C19orf38: variants seen among roughly 807,000 people sequenced by gnomAD.
C19orf38 encodes chromosome 19 open reading frame 38, also known as protein HIDE1.
C19orf38 carries 14 observed loss-of-function variants against 26.6 expected under a neutral mutation model. The observed-to-expected ratio is 0.53, with a 90% CI of 0.35 to 0.82. The LOEUF is 0.82. C19orf38 is among the 40% of genes least tolerant of loss of function. The pLI, the probability that C19orf38 is intolerant of heterozygous loss-of-function variation, is 0.01. For synonymous variants in C19orf38, 132 were observed against 128.5 expected (o/e 1.03, Z -0.18); for missense variants, 261 against 299.5 (o/e 0.87, Z 0.95).
chr19:10,850,480 C>A lies in C19orf38; in HGVS notation c.253C>A (p.Pro85Thr). The A allele has an allele frequency of 6.4e-7, 1 of 1,551,646 alleles. No individual in the cohort carries two copies. The highest frequency in any genetic ancestry group is 8.7e-7 in the Non-Finnish European group (1 of 1,146,984). The change falls in exon 2 of 7, where the codon CCC (proline) becomes ACC (threonine). Residue 85 changes from proline to threonine, a missense_variant. Coordinates refer to ENST00000397820, the MANE Select transcript of C19orf38 (RefSeq NM_001136482.3). ...CGGCAGCAGCAAGGCTCCAGGGGGA[C>A]CCTTCCACTGCCAGTATGGAGTGTT... The part of the protein sequence containing the change: ...SGGSSKAPGG[P>T]FHCQYGVLGE...
At chr19:10,849,193 T>C (rs1292750603) in intron 1 of C19orf38, among the ~76,000 whole-genome samples, 4 of 152,088 alleles carry the variant, frequency 2.6e-5, no homozygotes, top group African/African-American at 9.7e-5. Context: ...TATTTATTTT[T>C]ATTTTTAAAT....
intron 1 of C19orf38, among the ~76,000 whole-genome samples, chr19:10,838,959 G>C (rs544239911): frequency 2.7e-4 from 40 of 150,516 alleles, no homozygotes; most frequent in African/African-American, 7.6e-4. Flanking sequence ...CTGTCACCCA[G>C]GCTGGAGTGC....
chr19:10,847,126 A>G (rs1417853187), upstream of C19orf38, among the ~76,000 whole-genome samples: 1 of 152,224 alleles, frequency 6.6e-6, no homozygotes, highest in Non-Finnish European at 1.5e-5. Flanking sequence ...GTTTAAAAAG[A>G]TAAATGCAAA....
chr19:10,856,194 G>A, intron 2 of C19orf38, 71 bp from the exon 3 acceptor site: 1 of 1,228,924 alleles, frequency 8.1e-7, no homozygotes, highest in Non-Finnish European at 1.2e-6. Context: ...ATGGGGTAAG[G>A]GCTGGCTACT....
upstream of C19orf38, among the ~76,000 whole-genome samples, chr19:10,843,733 G>A (rs1433804238): frequency 6.6e-6 from 1 of 152,134 alleles, no homozygotes; most frequent in African/African-American, 2.4e-5. Context: ...AAATATTTAT[G>A]ATGTGCCAAG....
chr19:10,841,846 C>T (rs1340480691), intron 1 of C19orf38: 1 of 1,411,006 alleles, frequency 7.1e-7, no homozygotes, highest in African/African-American at 1.4e-5. Flanking sequence ...GGCATGGGAA[C>T]AATCCCATTT....
chr19:10,859,366 A>C lies in C19orf38; in HGVS notation c.462-549A>C, dbSNP rs59145390. Among the ~76,000 whole-genome samples the C allele has an allele frequency of 3.0e-3, 149 of 48,904 alleles. 3 individuals are homozygous for C. Among genetic ancestry groups the C allele is most frequent in the African/African-American group, 0.017 (145 of 8,478 alleles). The allele number at this position is 48,904 out of a possible 152,430, so 32.1% of individuals were successfully genotyped here. ...TGTGTGTGTATATATATATATATAT[A>C]TATATATATATATATATATTTTTTT... On this transcript the variant is annotated intron_variant, in intron 4 of 6. Coordinates refer to ENST00000397820, the MANE Select transcript of C19orf38 (RefSeq NM_001136482.3).
Position 10,850,552 on chromosome 19 carries a change from A to G in C19orf38, c.325A>G (p.Asn109Asp). ...GCTGTCAGACCTCAGCGAGCCCGTG[A>G]ACGTCTCCTTCCCAGGTAAGGCCCT... ...SQLSDLSEPV[N>D]VSFPVPTWIL... Residue 109 changes from asparagine to aspartate, a missense_variant, in exon 2 of 7, where the codon AAC (asparagine) becomes GAC (aspartate). Transcript: ENST00000397820. 2 of 1,551,548 alleles carry G rather than the reference A, an allele frequency of 1.3e-6. No individual in the cohort carries two copies. Among genetic ancestry groups the G allele is most frequent in the Non-Finnish European group, 1.7e-6 (2 of 1,146,980 alleles).
At chr19:10,863,767 G>T (rs1282599005) in intron 6 of C19orf38, among the ~76,000 whole-genome samples, 4 of 152,076 alleles carry the variant, frequency 2.6e-5, no homozygotes, top group Non-Finnish European at 5.9e-5. Context: ...CAAAAAATTA[G>T]CTGGGCGTGG....
chr19:10,857,339 C>CATATATATAT lies in C19orf38; in HGVS notation c.434-958_434-949dup, dbSNP rs1215628613. Among the ~76,000 whole-genome samples the CATATATATAT allele has an allele frequency of 4.4e-3, 239 of 53,984 alleles. 5 individuals carry two copies. Among genetic ancestry groups the CATATATATAT allele is most frequent in the South Asian group, 6.4e-3 (9 of 1,416 alleles). The allele number at this position is 53,984 out of a possible 152,430, so 35.4% of individuals were successfully genotyped here. Reference sequence around the variant, plus strand: ...ATATACATACACACACACACACATACATATATATATATATATATATATATA... The same window carrying CATATATATAT: ...ATATACATACACACACACACACATACATATATATATATATATATATATATATATATATATA... On this transcript the variant is annotated intron_variant, in intron 3 of 6. Transcript: ENST00000397820.
intron 1 of C19orf38, among the ~76,000 whole-genome samples, chr19:10,838,264 G>A (rs2073452038): frequency 6.6e-6 from 1 of 152,076 alleles, no homozygotes; most frequent in Non-Finnish European, 1.5e-5. Flanking sequence ...CAAAAAATTA[G>A]CCAGGCGTGG....
intron 5 of C19orf38, among the ~76,000 whole-genome samples, chr19:10,862,703 G>A (rs2146274017): frequency 6.6e-6 from 1 of 152,180 alleles, no homozygotes; most frequent in South Asian, 2.1e-4. Flanking sequence ...AGTGGTGCAT[G>A]CCTGTAATCC....
chr19:10,848,465 C>A lies in C19orf38; in HGVS notation c.-44C>A. 1.3e-6 allele frequency: 2 copies of A among 1,549,706 alleles called. No individual in the cohort carries two copies. Among genetic ancestry groups the A allele is most frequent in the Non-Finnish European group, 1.7e-6 (2 of 1,145,310 alleles). ...GGAGGAGTTGGCGGGGAGCCTTGGG[C>A]CCCTCTGGCCTCAGCCGGATTTCCC... On this transcript the variant is annotated 5_prime_UTR_variant, in exon 1 of 7. Transcript: ENST00000397820.
At chr19:10,864,630 G>T (rs932943311) in intron 6 of C19orf38, among the ~76,000 whole-genome samples, 4 of 152,200 alleles carry the variant, frequency 2.6e-5, no homozygotes, top group African/African-American at 9.6e-5. Flanking sequence ...GGAAAGCGGG[G>T]ATCAGTGGAA....
chr19:10,848,155 C>T (rs1256408429), upstream of C19orf38, among the ~76,000 whole-genome samples: 1 of 152,128 alleles, frequency 6.6e-6, no homozygotes, highest in Admixed American at 6.5e-5. Flanking sequence ...CGCTCCACTG[C>T]ACTCCAGCCT....
intron 6 of C19orf38, among the ~76,000 whole-genome samples, chr19:10,868,697 GGTTTCACCATGTTGGCCAGGC>G (rs2073775342): frequency 1.3e-5 from 2 of 151,932 alleles, no homozygotes; most frequent in Admixed American, 1.3e-4. Flanking sequence ...TTTCTGAGAG[GGTTTCACCATGTTGGCCAGGC>G]TGGTCTCGAA....
chr19:10,856,448 G>A (rs2073626774), intron 3 of C19orf38, 91 bp downstream of exon 3: 1 of 991,536 alleles, frequency 1.0e-6, no homozygotes, highest in Non-Finnish European at 1.5e-6. Flanking sequence ...ACACCATTTT[G>A]TTTTCAGGTT....
At chr19:10,866,256 A>G (rs2073750129) in intron 6 of C19orf38, among the ~76,000 whole-genome samples, 1 of 149,038 alleles carries the variant, frequency 6.7e-6, no homozygotes, top group African/African-American at 2.5e-5. Context: ...GCTGGAGTGC[A>G]GTGGTGCCAT....
chr19:10,842,117 C>T, intron 1 of C19orf38: 1 of 1,576,482 alleles, frequency 6.3e-7, no homozygotes, highest in Non-Finnish European at 8.7e-7. Flanking sequence ...CTGCTGTATC[C>T]TCAGTTGACT....
Sources: gnomAD v4.1 joint callset for allele counts (sites outside exome capture counted in the v4.1 genomes callset) on GRCh38, gnomAD v4.1.1 for gene constraint, MANE v1.5 for transcripts, NCBI Gene and HGNC (gene_info 2026-07-23, HGNC 2026-07-21) for gene names.